FAF1: variants seen among roughly 807,000 people sequenced by gnomAD.
FAF1 encodes the protein Fas associated factor 1.
A neutral mutation model predicts 92.5 loss-of-function variants in FAF1; 25 were observed. That is an observed-to-expected ratio of 0.27 (90% CI 0.20 to 0.38). The LOEUF (loss-of-function observed/expected upper bound fraction) is 0.38, where lower values mean the gene tolerates loss of function less well. FAF1 is among the 10% of genes least tolerant of loss of function. The pLI, the probability that FAF1 is intolerant of heterozygous loss-of-function variation, is 1.00. For synonymous variants in FAF1, 234 were observed against 273.2 expected (o/e 0.86, Z 1.42); for missense variants, 636 against 793.3 (o/e 0.80, Z 2.38).
intron 2 of FAF1, among the ~76,000 whole-genome samples, chr1:50,828,900 C>T (rs1644128963): frequency 6.6e-6 from 1 of 152,108 alleles, no homozygotes; most frequent in African/African-American, 2.4e-5. Context: ...ATCTCTGCAA[C>T]ACACAACAAA....
chr1:50,788,202 T>C lies in FAF1; in HGVS notation c.165A>G (p.Glu55=). The C allele has an allele frequency of 6.2e-7, 1 of 1,612,698 alleles. No individual in the cohort carries two copies. ...IPQENGILQS[E]YGGETIPGPA... ...GTCCTGGTATGGTCTCACCTCCATA[T>C]TCACTAAAATGTTGACATAAAAGAA... Residue 55 remains glutamate (E), a synonymous_variant, in exon 4 of 19, where the codon GAA becomes GAG. Coordinates refer to ENST00000396153, the MANE Select transcript of FAF1 (RefSeq NM_007051.3).
chr1:50,956,365 CA>C (rs899258365), intron 1 of FAF1, among the ~76,000 whole-genome samples: 13 of 149,366 alleles, frequency 8.7e-5, no homozygotes, highest in African/African-American at 2.5e-4. Flanking sequence ...TTGAAATAGT[CA>C]AAAAAAAATA....
intron 4 of FAF1, among the ~76,000 whole-genome samples, chr1:50,771,214 A>T (rs547674633): frequency 2.0e-5 from 3 of 152,218 alleles, no homozygotes; most frequent in Non-Finnish European, 4.4e-5. Flanking sequence ...TAACAAAGAC[A>T]TCAAAAGCAA....
At chr1:50,548,161 C>T (rs1649123745) in intron 13 of FAF1, among the ~76,000 whole-genome samples, 4 of 152,038 alleles carry the variant, frequency 2.6e-5, no homozygotes, top group Non-Finnish European at 1.5e-5. Flanking sequence ...TTATGAGGGC[C>T]CACCAAATAT....
chr1:50,752,421 T>C (rs1352785445), intron 4 of FAF1, among the ~76,000 whole-genome samples: 1 of 152,240 alleles, frequency 6.6e-6, no homozygotes, highest in Admixed American at 6.5e-5. Flanking sequence ...CCAGCATAAG[T>C]TTGTTCTTAA....
intron 4 of FAF1, among the ~76,000 whole-genome samples, chr1:50,777,934 C>T (rs968846103): frequency 9.2e-5 from 14 of 152,122 alleles, no homozygotes; most frequent in Admixed American, 6.6e-4. Context: ...TATATCTTCA[C>T]GCTATGATTC....
chr1:50,759,815 T>C (rs1209684551), intron 4 of FAF1, among the ~76,000 whole-genome samples: 1 of 152,228 alleles, frequency 6.6e-6, no homozygotes, highest in East Asian at 1.9e-4. Flanking sequence ...CAGCACCTGT[T>C]GTTTCCTGAC....
At chr1:50,493,637 A>G (rs1646865942) in intron 15 of FAF1, among the ~76,000 whole-genome samples, 1 of 152,208 alleles carries the variant, frequency 6.6e-6, no homozygotes, top group South Asian at 2.1e-4. Context: ...AAGCTCCACA[A>G]AGGCAGGGAA....
intron 17 of FAF1, among the ~76,000 whole-genome samples, chr1:50,484,638 C>A (rs548047541): frequency 6.6e-6 from 1 of 151,962 alleles, no homozygotes; most frequent in Non-Finnish European, 1.5e-5. Flanking sequence ...AATTATGGCC[C>A]AGTGTGGACA....
chr1:50,807,763 G>C (rs1301093317), intron 2 of FAF1, among the ~76,000 whole-genome samples: 1 of 152,112 alleles, frequency 6.6e-6, no homozygotes, highest in Non-Finnish European at 1.5e-5. Context: ...AGAAATATGG[G>C]ATTATCTAAA....
At chr1:50,655,383 G>T in intron 8 of FAF1, 59 bp downstream of exon 8, 2 of 1,086,782 alleles carry the variant, frequency 1.8e-6, no homozygotes, top group Non-Finnish European at 2.9e-6. Context: ...AAGCCAATTA[G>T]ACTGAAAGTG....
chr1:50,827,297 T>A (rs1344156487), intron 2 of FAF1, among the ~76,000 whole-genome samples: 1 of 152,370 alleles, frequency 6.6e-6, no homozygotes, highest in East Asian at 1.9e-4. Flanking sequence ...AAAATTCTTC[T>A]GCCTTGGGAG....
intron 8 of FAF1, among the ~76,000 whole-genome samples, chr1:50,651,256 T>C (rs886377350): frequency 6.6e-6 from 1 of 152,240 alleles, no homozygotes; most frequent in Non-Finnish European, 1.5e-5. Flanking sequence ...TGAAAAAGTA[T>C]TTTAATCTAG....
chr1:50,953,104 T>A (rs1407897639), intron 1 of FAF1, among the ~76,000 whole-genome samples: 1 of 152,200 alleles, frequency 6.6e-6, no homozygotes, highest in East Asian at 1.9e-4. Flanking sequence ...CCCAATCCCG[T>A]GCTCTCTGAA....
chr1:50,642,321 T>C (rs929687995), intron 8 of FAF1, among the ~76,000 whole-genome samples: 1 of 151,994 alleles, frequency 6.6e-6, no homozygotes, highest in African/African-American at 2.4e-5. Flanking sequence ...AGTGGAAGAA[T>C]GTTAAAAGTA....
At chr1:50,513,106 G>A (rs536343695) in intron 15 of FAF1, among the ~76,000 whole-genome samples, 72 of 152,304 alleles carry the variant, frequency 4.7e-4, no homozygotes, top group African/African-American at 1.7e-3. Context: ...GTGGGACTCT[G>A]CTCTGAAATG....
intron 7 of FAF1, among the ~76,000 whole-genome samples, chr1:50,695,802 C>T (rs767361731): frequency 6.6e-6 from 1 of 152,108 alleles, no homozygotes; most frequent in Non-Finnish European, 1.5e-5. Context: ...GAACCCACGA[C>T]CACACCTGGC....
At chr1:50,452,179 G>A (rs1646301413) in intron 18 of FAF1, 2 of 1,336,776 alleles carry the variant, frequency 1.5e-6, no homozygotes, top group Non-Finnish European at 2.0e-6. Flanking sequence ...TCCCCATCCT[G>A]GAAAGTCCTG....
At chr1:50,777,014 C>T (rs1035801256) in intron 4 of FAF1, among the ~76,000 whole-genome samples, 1 of 151,976 alleles carries the variant, frequency 6.6e-6, no homozygotes, top group Non-Finnish European at 1.5e-5. Flanking sequence ...AATCCTAGCA[C>T]TTTGGGAGAC....
Sources: allele counts gnomAD v4.1 joint callset (sites outside exome capture counted in the v4.1 genomes callset), GRCh38; gene constraint gnomAD v4.1.1; transcripts MANE v1.5; gene names NCBI Gene and HGNC (gene_info 2026-07-23, HGNC 2026-07-21).